Variants in NAALADL2 observed in about 807,000 individuals in gnomAD.
The protein encoded by NAALADL2 is N-acetylated alpha-linked acidic dipeptidase like 2.
NAALADL2 carries 76 observed loss-of-function variants against 87.2 expected under a neutral mutation model. That is an observed-to-expected ratio of 0.87 (90% CI 0.72 to 1.05). NAALADL2 has a LOEUF of 1.05. NAALADL2 is among the 50% of genes least tolerant of loss of function. NAALADL2 has a pLI of 0.00. For missense variants in NAALADL2, 1,089 were observed against 945.8 expected (o/e 1.15, Z -1.99); for synonymous variants, 354 against 331.0 (o/e 1.07, Z -0.75).
rs192201430 is a variant in NAALADL2 at position 174,969,599 on chromosome 3, G to C, written c.43+110149G>C. Reference sequence around the variant, plus strand: ...TCCCATAATACAGTAAGAAAATTTTGATAATAAGAGCAGAATAAATACAGC... The same window carrying C: ...TCCCATAATACAGTAAGAAAATTTTCATAATAAGAGCAGAATAAATACAGC... On this transcript the variant is annotated intron_variant, in intron 1 of 13. Coordinates refer to ENST00000454872, the MANE Select transcript of NAALADL2 (RefSeq NM_207015.3). 5.9e-5 allele frequency among the ~76,000 whole-genome samples: 9 copies of C among 152,234 alleles called. No homozygotes were observed. In the East Asian group the frequency reaches 1.2e-3, roughly 20 times the overall value.
chr3:175,443,709 C>T (rs771189670), intron 5 of NAALADL2, among the ~76,000 whole-genome samples: 4 of 152,182 alleles, frequency 2.6e-5, no homozygotes, highest in African/African-American at 4.8e-5. Context: ...ATTGAACTCC[C>T]GTTATGTACC....
chr3:174,688,675 G>A (rs1402698294), intron 2 of NAALADL2, among the ~76,000 whole-genome samples: 3 of 150,880 alleles, frequency 2.0e-5, no homozygotes, highest in Non-Finnish European at 4.4e-5. Flanking sequence ...ATGTTGTAGC[G>A]ATTCAACTTT....
At chr3:174,877,992 T>A (rs1728715100) in intron 1 of NAALADL2, among the ~76,000 whole-genome samples, 1 of 151,966 alleles carries the variant, frequency 6.6e-6, no homozygotes, top group Admixed American at 6.6e-5. Context: ...AAAACCAGAG[T>A]GTACTTAAAT....
chr3:175,208,275 C>T (rs555511866), intron 2 of NAALADL2, among the ~76,000 whole-genome samples: 2 of 152,210 alleles, frequency 1.3e-5, no homozygotes, highest in South Asian at 4.1e-4. Context: ...TTGGGTATGT[C>T]AATTCTTTAA....
intron 2 of NAALADL2, among the ~76,000 whole-genome samples, chr3:174,715,343 A>G (rs1182321135): frequency 1.3e-5 from 2 of 152,190 alleles, no homozygotes; most frequent in African/African-American, 4.8e-5. Flanking sequence ...TGTTGTATAT[A>G]TGTTAATTAT....
intron 1 of NAALADL2, 46 bp from the exon 2 acceptor site, chr3:175,096,743 TA>T (rs1721227789): frequency 1.6e-6 from 2 of 1,267,890 alleles, no homozygotes; most frequent in Non-Finnish European, 1.0e-6. Context: ...TTAGTTTTTT[TA>T]ATTGTGTGTT....
intron 1 of NAALADL2, among the ~76,000 whole-genome samples, chr3:175,023,743 A>T (rs1208342749): frequency 6.6e-6 from 1 of 152,092 alleles, no homozygotes; most frequent in East Asian, 1.9e-4. Flanking sequence ...TCAACAAGAG[A>T]CCAATCTCCT....
chr3:175,786,325 C>G (rs1468684110), intron 13 of NAALADL2, among the ~76,000 whole-genome samples: 1 of 152,196 alleles, frequency 6.6e-6, no homozygotes, highest in Non-Finnish European at 1.5e-5. Context: ...CTCCCCATCA[C>G]TTTCAGGTAC....
In NAALADL2 at chr3:175,276,044, A is replaced by C. The variant is rs79339225; in HGVS notation, c.939+19514A>C. ...CTACAAAACTATAGCCACATGAAAA[A>C]ATGGCCTTATTTTTAATAAAAATTA... On this transcript the variant is annotated intron_variant, in intron 4 of 13. Transcript: ENST00000454872. 8.4e-3 allele frequency among the ~76,000 whole-genome samples: 1,279 copies of C among 151,564 alleles called. 45 individuals are homozygous for C. In the East Asian group the frequency reaches 0.1, roughly 12 times the overall value.
At chr3:175,139,594 A>G (rs566430476) in intron 2 of NAALADL2, among the ~76,000 whole-genome samples, 1 of 152,034 alleles carries the variant, frequency 6.6e-6, no homozygotes, top group African/African-American at 2.4e-5. Context: ...CTTATATTTT[A>G]TTATCCATAT....
At chr3:175,787,263 T>A (rs1314106922) in intron 13 of NAALADL2, among the ~76,000 whole-genome samples, 1 of 152,128 alleles carries the variant, frequency 6.6e-6, no homozygotes, top group African/African-American at 2.4e-5. Flanking sequence ...CCCGGCTGCT[T>A]TGTTTACCTA....
chr3:175,043,134 C>T (rs1400859151), intron 1 of NAALADL2, among the ~76,000 whole-genome samples: 3 of 152,168 alleles, frequency 2.0e-5, no homozygotes, highest in Admixed American at 2.0e-4. Context: ...TTGTAAATTA[C>T]CCAGCCTCAG....
chr3:174,807,328 A>G (rs1047164434), intron 3 of NAALADL2, among the ~76,000 whole-genome samples: 4 of 152,212 alleles, frequency 2.6e-5, no homozygotes, highest in East Asian at 3.9e-4. Flanking sequence ...CGATAACTCT[A>G]TTGGGTAGGA....
chr3:175,239,590 T>C, intron 3 of NAALADL2, among the ~76,000 whole-genome samples: 1 of 152,230 alleles, frequency 6.6e-6, no homozygotes, highest in Admixed American at 6.5e-5. Flanking sequence ...ATCTTTTCAT[T>C]CTGTAAAGCT....
At chr3:174,787,622 G>GTATATATATATATATATA (rs1716964713) in intron 3 of NAALADL2, among the ~76,000 whole-genome samples, 5 of 14,998 alleles carry the variant, frequency 3.3e-4, no homozygotes, top group African/African-American at 1.1e-3. Flanking sequence ...TATATATATA[G>GTATATATATATATATATA]TAGTGACTCT....
intron 2 of NAALADL2, among the ~76,000 whole-genome samples, chr3:174,611,984 G>A (rs1011540402): frequency 6.6e-6 from 1 of 150,392 alleles, no homozygotes; most frequent in Non-Finnish European, 1.5e-5. Context: ...ATCTTGTGTT[G>A]ACAAAATCCC....
chr3:175,475,549 G>T (rs1420620579), intron 9 of NAALADL2, among the ~76,000 whole-genome samples: 1 of 152,056 alleles, frequency 6.6e-6, no homozygotes, highest in Non-Finnish European at 1.5e-5. Context: ...TTTCTAACAG[G>T]TTATTTTGGG....
chr3:174,873,286 G>A (rs963049967), intron 1 of NAALADL2, among the ~76,000 whole-genome samples: 5 of 148,080 alleles, frequency 3.4e-5, no homozygotes, highest in East Asian at 2.0e-4. Flanking sequence ...ACGGAGTCTC[G>A]CTCTGTCGCC....
intron 1 of NAALADL2, among the ~76,000 whole-genome samples, chr3:175,062,051 T>C (rs949231992): frequency 6.6e-6 from 1 of 152,148 alleles, no homozygotes; most frequent in Non-Finnish European, 1.5e-5. Flanking sequence ...TATTTTCTTT[T>C]ATTTAACATG....
Sources: allele counts gnomAD v4.1 joint callset (sites outside exome capture counted in the v4.1 genomes callset), GRCh38; gene constraint gnomAD v4.1.1; transcripts MANE v1.5; gene names NCBI Gene and HGNC (gene_info 2026-07-23, HGNC 2026-07-21).